Variants in LRRC9 observed in about 807,000 individuals in gnomAD.
The protein encoded by LRRC9 is leucine-rich repeat-containing protein 9.
Under a neutral mutation model 63.2 loss-of-function variants are expected in LRRC9, and 122 were observed. The ratio of observed to expected loss-of-function variants is 1.93; its 90% CI spans 1.67 to 2.24. The LOEUF is 2.24. Ranked by LOEUF, LRRC9 falls within the 30% of genes most tolerant of loss-of-function variation. The pLI, the probability that LRRC9 is intolerant of heterozygous loss-of-function variation, is 0.00. For synonymous variants in LRRC9, 366 were observed against 213.1 expected, an observed-to-expected ratio of 1.72 and a Z score of -6.25; for missense variants, 1,071 against 627.7, an observed-to-expected ratio of 1.71 and a Z score of -7.55.
Position 59,936,101 on chromosome 14 carries a change from T to C in LRRC9, c.544-2289T>C, listed in dbSNP as rs1890116844. On this transcript the variant is annotated intron_variant, in intron 6 of 31. Transcript: ENST00000445360. The surrounding 1 kb of genome is among the most constrained non-coding windows in gnomAD (Gnocchi z 4.2). ...GAAATAACAATGTAAAGTACCTAAATAGTGACCAGCACATAGTAAGGACTC... is the reference window on the plus strand; with the variant it reads ...GAAATAACAATGTAAAGTACCTAAACAGTGACCAGCACATAGTAAGGACTC... 6.6e-6 allele frequency among the ~76,000 whole-genome samples: 1 copy of C among 152,156 alleles called. No homozygotes were observed. Among genetic ancestry groups the C allele is most frequent in the Non-Finnish European group, 1.5e-5 (1 of 68,010 alleles).
chr14:60,049,189 G>C (rs952440427), intron 29 of LRRC9, among the ~76,000 whole-genome samples: 5 of 151,990 alleles, frequency 3.3e-5, no homozygotes, highest in African/African-American at 1.2e-4. Context: ...ACTGATATTG[G>C]GGTCTTGGTT....
At chr14:59,984,833 C>T (rs1448541344) in intron 16 of LRRC9, among the ~76,000 whole-genome samples, 1 of 152,158 alleles carries the variant, frequency 6.6e-6, no homozygotes, top group Non-Finnish European at 1.5e-5. Flanking sequence ...AAGAATTTCA[C>T]GCCAATTGCT....
chr14:59,945,055 G>A (rs530748939), intron 8 of LRRC9, among the ~76,000 whole-genome samples: 3 of 151,648 alleles, frequency 2.0e-5, no homozygotes, highest in African/African-American at 7.2e-5. Flanking sequence ...ATATGATTTA[G>A]AGTGTTACAA....
chr14:59,983,849 A>G (rs1353083503), intron 16 of LRRC9, among the ~76,000 whole-genome samples: 1 of 152,214 alleles, frequency 6.6e-6, no homozygotes, highest in Non-Finnish European at 1.5e-5. Context: ...CAGCTTGTGC[A>G]TGGAATTAAC....
intron 29 of LRRC9, among the ~76,000 whole-genome samples, chr14:60,041,962 T>C (rs1566902197): frequency 6.6e-6 from 1 of 152,230 alleles, no homozygotes; most frequent in Non-Finnish European, 1.5e-5. Flanking sequence ...TAGTTTTCTT[T>C]CTAACGGTCA....
At chr14:59,999,036 C>A in intron 18 of LRRC9, 65 bp from the exon 19 acceptor site, 1 of 552,262 alleles carries the variant, frequency 1.8e-6, no homozygotes, top group Non-Finnish European at 3.2e-6. Context: ...GACATGAAAA[C>A]AGTCATTTTC....
intron 12 of LRRC9, among the ~76,000 whole-genome samples, chr14:59,970,135 C>A (rs1461222317): frequency 6.8e-6 from 1 of 147,152 alleles, no homozygotes; most frequent in Admixed American, 7.0e-5. Context: ...CTCCAGTAGG[C>A]CCCAGTATCT....
intron 28 of LRRC9, among the ~76,000 whole-genome samples, chr14:60,030,715 A>G (rs1018393565): frequency 3.3e-5 from 5 of 151,964 alleles, no homozygotes; most frequent in Admixed American, 3.3e-4. Context: ...ACATTTGCCA[A>G]TTTCTGTGGT....
At chr14:59,921,568 A>G (rs1490200490) in intron 1 of LRRC9, among the ~76,000 whole-genome samples, 1 of 152,210 alleles carries the variant, frequency 6.6e-6, no homozygotes, top group African/African-American at 2.4e-5. Flanking sequence ...AGCTCAACCA[A>G]TAGAAGAATG....
chr14:59,932,844 C>G lies in LRRC9; in HGVS notation c.543+805C>G, dbSNP rs961694710. 2.0e-5 allele frequency among the ~76,000 whole-genome samples: 3 copies of G among 152,126 alleles called. No individual in the cohort carries two copies. The highest frequency in any genetic ancestry group is 2.9e-5 in the Non-Finnish European group (2 of 68,014). On this transcript the variant is annotated intron_variant, in intron 6 of 31. Coordinates refer to ENST00000445360, the Ensembl canonical transcript of LRRC9. This position sits in a 1 kb window ranked among gnomAD's most constrained non-coding sequence, Gnocchi z 4.7. ...TCTCCACACAGAAGCCTGATGGAAC[C>G]TTTAAAAATCTGTCAGATAAAAATC... is the stretch of plus-strand genomic sequence containing the variant.
At chr14:59,998,962 A>C in intron 18 of LRRC9, 139 bp from the exon 19 acceptor site, 1 of 453,308 alleles carries the variant, frequency 2.2e-6, no homozygotes, top group Non-Finnish European at 3.9e-6. Context: ...TTATTTAAAT[A>C]ATTAAGCTTT....
intron 30 of LRRC9, among the ~76,000 whole-genome samples, chr14:60,054,551 G>A (rs756154708): frequency 2.6e-5 from 4 of 152,072 alleles, no homozygotes; most frequent in Non-Finnish European, 5.9e-5. Context: ...TTTTCCACAT[G>A]CCTTTAAATT....
At chr14:60,018,350 A>G (rs1566880184) in intron 24 of LRRC9, 21 bp from the exon 25 acceptor site, 1 of 699,758 alleles carries the variant, frequency 1.4e-6, no homozygotes, top group East Asian at 2.7e-5. Flanking sequence ...TAATAGCTGT[A>G]TTTACTTTGT....
At position 59,964,704 on chromosome 14, in the gene LRRC9, C is replaced by A. The variant is rs1455088433; in HGVS notation, c.1212-1885C>A. On this transcript the variant is annotated intron_variant, in intron 10 of 31. Transcript: ENST00000445360. This position sits in a 1 kb window ranked among gnomAD's most constrained non-coding sequence, Gnocchi z 4.4. Reference sequence around the variant, plus strand: ...CAGATTTAGGCCCAGCAAATGATCCCTCTATAGGAGGGGCAGTAGCTTCCC... The same window carrying A: ...CAGATTTAGGCCCAGCAAATGATCCATCTATAGGAGGGGCAGTAGCTTCCC... 6.6e-6 allele frequency among the ~76,000 whole-genome samples: 1 copy of A among 152,166 alleles called. No homozygotes were observed. Among genetic ancestry groups the A allele is most frequent in the Non-Finnish European group, 1.5e-5 (1 of 68,036 alleles).
At chr14:59,972,962 T>C (rs1885690951) in intron 12 of LRRC9, among the ~76,000 whole-genome samples, 1 of 152,154 alleles carries the variant, frequency 6.6e-6, no homozygotes, top group African/African-American at 2.4e-5. Flanking sequence ...ATTTGTTTTA[T>C]TGAAATGTAA....
chr14:59,972,095 C>T (rs1885574316), intron 12 of LRRC9, among the ~76,000 whole-genome samples: 2 of 152,026 alleles, frequency 1.3e-5, no homozygotes, highest in South Asian at 4.2e-4. Flanking sequence ...TGCCAAGTGA[C>T]CCTAATGAAG....
intron 12 of LRRC9, among the ~76,000 whole-genome samples, chr14:59,969,792 T>C (rs1004193147): frequency 6.6e-6 from 1 of 152,188 alleles, no homozygotes; most frequent in Non-Finnish European, 1.5e-5. Flanking sequence ...CGAATATTGT[T>C]TGTAATCAAG....
At chr14:59,925,741 C>T (rs566369510) in intron 1 of LRRC9, among the ~76,000 whole-genome samples, 4 of 152,306 alleles carry the variant, frequency 2.6e-5, no homozygotes, top group African/African-American at 9.6e-5. Context: ...ACCACTGCTT[C>T]TCTCAATTTG....
Position 59,938,710 on chromosome 14 carries a change from G to C in LRRC9, c.726+138G>C, listed in dbSNP as rs1298857009. On this transcript the variant is annotated intron_variant, in intron 7 of 31. Transcript: ENST00000445360. This position sits in a 1 kb window ranked among gnomAD's most constrained non-coding sequence, Gnocchi z 4.2. Reference sequence around the variant, plus strand: ...AGTCTGCTTTTGCCCTAGTGAACTGGATATTACACATAAAAGTATATAAAT... The same window carrying C: ...AGTCTGCTTTTGCCCTAGTGAACTGCATATTACACATAAAAGTATATAAAT... 2 of 428,104 alleles carry C rather than the reference G, an allele frequency of 4.7e-6. No homozygotes were observed. Among genetic ancestry groups the C allele is most frequent in the Non-Finnish European group, 8.2e-6 (2 of 245,124 alleles). 26.5% of individuals were successfully genotyped at this position (428,104 alleles called of 1,614,324 possible).
Sources: allele counts gnomAD v4.1 joint callset (sites outside exome capture counted in the v4.1 genomes callset), GRCh38; gene constraint gnomAD v4.1.1; non-coding constraint Gnocchi (gnomAD v3.1); transcripts MANE v1.5; gene names NCBI Gene and HGNC (gene_info 2026-07-23, HGNC 2026-07-21).